Variants in FARP1 observed in about 807,000 individuals in gnomAD.
FARP1 encodes FERM, ARH/RhoGEF and pleckstrin domain protein 1, also known as FERM, ARHGEF and pleckstrin domain-containing protein 1.
Under a neutral mutation model 128.8 loss-of-function variants are expected in FARP1, and 52 were observed. That is an observed-to-expected ratio of 0.40 (90% CI 0.32 to 0.51). FARP1 has a LOEUF of 0.51. Among genes scored for constraint, FARP1 ranks in the 20% least tolerant of loss-of-function variants. FARP1 has a pLI of 0.45. For missense variants in FARP1, 1,333 were observed against 1,367.9 expected (o/e 0.97, Z 0.40); for synonymous variants, 580 against 551.8 (o/e 1.05, Z -0.72).
intron 1 of FARP1, among the ~76,000 whole-genome samples, chr13:98,149,931 G>T (rs1875864721): frequency 6.6e-6 from 1 of 150,908 alleles, no homozygotes; most frequent in Non-Finnish European, 1.5e-5. Flanking sequence ...TAGAGACAGG[G>T]TTTCACCATG....
At chr13:98,396,108 TA>T in intron 13 of FARP1, 1 of 399,108 alleles carries the variant, frequency 2.5e-6, no homozygotes, top group East Asian at 3.6e-5. Flanking sequence ...AGGTAGCATT[TA>T]CCCCGGAGGC....
At chr13:98,387,033 G>A (rs1413974915) in intron 8 of FARP1, among the ~76,000 whole-genome samples, 12 of 152,228 alleles carry the variant, frequency 7.9e-5, no homozygotes, top group African/African-American at 2.2e-4. Flanking sequence ...GGGCGCGGTC[G>A]CTCACACCTG....
At chr13:98,345,024 G>A (rs1374244066) in intron 3 of FARP1, among the ~76,000 whole-genome samples, 1 of 152,206 alleles carries the variant, frequency 6.6e-6, no homozygotes, top group Non-Finnish European at 1.5e-5. Context: ...CTAGCAAGAA[G>A]TAGTTACGGT....
At chr13:98,349,268 G>T (rs181740654) in intron 3 of FARP1, among the ~76,000 whole-genome samples, 3 of 152,316 alleles carry the variant, frequency 2.0e-5, no homozygotes, top group Non-Finnish European at 4.4e-5. Flanking sequence ...ACTTTACAAT[G>T]ATGAGCCCAG....
At chr13:98,163,857 C>T (rs1462594978) in intron 1 of FARP1, among the ~76,000 whole-genome samples, 4 of 151,970 alleles carry the variant, frequency 2.6e-5, no homozygotes, top group African/African-American at 4.8e-5. Flanking sequence ...GACAGGCACC[C>T]GCCACCACGC....
intron 2 of FARP1, chr13:98,332,230 C>T (rs1411662677): frequency 6.6e-6 from 1 of 152,048 alleles, no homozygotes; most frequent in East Asian, 1.9e-4. Flanking sequence ...TAACTCCCCA[C>T]TCCCCTCTCC....
chr13:98,304,144 A>G (rs1157542292), intron 2 of FARP1, among the ~76,000 whole-genome samples: 1 of 152,186 alleles, frequency 6.6e-6, no homozygotes, highest in East Asian at 1.9e-4. Context: ...CCCCATGGGT[A>G]GATTCATCTT....
At chr13:98,341,200 T>C (rs943888648) in intron 2 of FARP1, among the ~76,000 whole-genome samples, 2 of 152,048 alleles carry the variant, frequency 1.3e-5, no homozygotes, top group Non-Finnish European at 2.9e-5. Flanking sequence ...TTGGCTCCTC[T>C]GTTTCATGCT....
At chr13:98,278,068 G>GGTCAAAATCTGGC (rs1211846331) in intron 2 of FARP1, among the ~76,000 whole-genome samples, 5 of 152,106 alleles carry the variant, frequency 3.3e-5, no homozygotes, top group African/African-American at 4.8e-5. Context: ...TGTTTTAAAT[G>GGTCAAAATCTGGC]GAGCTTAAGG....
At chr13:98,177,395 C>T in intron 1 of FARP1, 1 of 563,626 alleles carries the variant, frequency 1.8e-6, no homozygotes, top group Non-Finnish European at 3.0e-6. Flanking sequence ...TCTTGTAATC[C>T]CGGGACACTG....
At chr13:98,429,759 A>G (rs1000405704) in intron 17 of FARP1, among the ~76,000 whole-genome samples, 15 of 152,180 alleles carry the variant, frequency 9.9e-5, no homozygotes, top group Admixed American at 9.8e-4. Context: ...AGGTTGGGCC[A>G]TAGCCTGGAT....
chr13:98,311,872 C>A (rs537818009), intron 2 of FARP1, among the ~76,000 whole-genome samples: 1 of 148,704 alleles, frequency 6.7e-6, no homozygotes, highest in South Asian at 2.1e-4. Context: ...GAGACGGAGT[C>A]TCGCTCTGTC....
chr13:98,265,863 A>T (rs987025630), intron 2 of FARP1, among the ~76,000 whole-genome samples: 3 of 152,124 alleles, frequency 2.0e-5, no homozygotes, highest in African/African-American at 2.4e-5. Context: ...GAGGCAGCTG[A>T]TATAAGTGCC....
intron 1 of FARP1, among the ~76,000 whole-genome samples, chr13:98,153,420 T>G (rs1387154394): frequency 7.5e-6 from 1 of 133,626 alleles, no homozygotes; most frequent in Non-Finnish European, 1.6e-5. Flanking sequence ...ATGTATAATA[T>G]GTAACACATT....
At chr13:98,325,984 G>A (rs1157070868) in intron 2 of FARP1, among the ~76,000 whole-genome samples, 4 of 152,238 alleles carry the variant, frequency 2.6e-5, no homozygotes, top group African/African-American at 9.6e-5. Flanking sequence ...GGGACATTGA[G>A]TGAAAATGGA....
chr13:98,287,033 C>T (rs1188326353), intron 2 of FARP1, among the ~76,000 whole-genome samples: 2 of 152,142 alleles, frequency 1.3e-5, no homozygotes, highest in South Asian at 2.1e-4. Flanking sequence ...CATGTGTTTT[C>T]ATGACATGCT....
intron 2 of FARP1, among the ~76,000 whole-genome samples, chr13:98,320,929 G>C (rs1048402935): frequency 2.0e-5 from 3 of 152,170 alleles, no homozygotes; most frequent in Non-Finnish European, 2.9e-5. Context: ...TGGAGCTGTT[G>C]TTCACTCCCC....
Position 98,244,524 on chromosome 13 carries a change from G to A in FARP1, c.171+31111G>A, listed in dbSNP as rs139611136. ...CTCATCCTCCTTCCTCAAAGCCACC[G>A]GCTCCTCCTGGACGGGTTGGGTACT... On this transcript the variant is annotated intron_variant, in intron 2 of 26. Coordinates refer to ENST00000319562, the MANE Select transcript of FARP1 (RefSeq NM_005766.4). The A allele has an allele frequency of 5.2e-4, 838 of 1,614,078 alleles. 5 individuals carry two copies. In the African/African-American group the frequency reaches 9.3e-3, roughly 18 times the overall value.
intron 2 of FARP1, chr13:98,334,296 G>T (rs1458493249): frequency 1.3e-5 from 2 of 152,208 alleles, no homozygotes; most frequent in Non-Finnish European, 1.5e-5. Context: ...CAGGGCTCAA[G>T]TGTCCAGCTT....
Sources: allele counts gnomAD v4.1 joint callset (sites outside exome capture counted in the v4.1 genomes callset), GRCh38; gene constraint gnomAD v4.1.1; transcripts MANE v1.5; gene names NCBI Gene and HGNC (gene_info 2026-07-23, HGNC 2026-07-21).